Variants in STAB2 observed in about 807,000 individuals in gnomAD.
The protein encoded by STAB2 is stabilin 2.
In STAB2, 288 loss-of-function variants were observed where a neutral mutation model predicts 338.1. That is an observed-to-expected ratio of 0.85 (90% confidence interval 0.77 to 0.94). The LOEUF (loss-of-function observed/expected upper bound fraction) is 0.94, where lower values mean the gene tolerates loss of function less well. Ranked by LOEUF, STAB2 falls within the 40% of genes least tolerant of loss-of-function variation. STAB2 has a pLI of 0.00. For synonymous variants in STAB2, 1,202 were observed against 1,193.3 expected, an observed-to-expected ratio of 1.01 and a Z score of -0.15; for missense variants, 3,141 against 3,210.1, an observed-to-expected ratio of 0.98 and a Z score of 0.52.
intron 42 of STAB2, 67 bp downstream of exon 42, chr12:103,713,835 ACGTGTG>A: frequency 6.3e-7 from 1 of 1,591,708 alleles, no homozygotes; most frequent in Non-Finnish European, 8.6e-7. Context: ...AATGATTCCA[ACGTGTG>A]TGCCCTGATT....
At chr12:103,656,873 A>C (rs1020025209) in intron 15 of STAB2, among the ~76,000 whole-genome samples, 4 of 150,140 alleles carry the variant, frequency 2.7e-5, no homozygotes, top group African/African-American at 9.8e-5. Context: ...TTTTTAGTAG[A>C]GACGGGGTTT....
chr12:103,712,301 TTG>T, intron 40 of STAB2, 64 bp from the exon 41 acceptor site: 2 of 1,243,540 alleles, frequency 1.6e-6, no homozygotes, highest in Non-Finnish European at 2.4e-6. Flanking sequence ...TGAAGGGCAT[TTG>T]TGAGTCATGT....
chr12:103,710,077 C>T (rs973155236), intron 39 of STAB2, among the ~76,000 whole-genome samples: 5 of 152,122 alleles, frequency 3.3e-5, no homozygotes, highest in African/African-American at 1.2e-4. Context: ...CTCTTTGTTT[C>T]CTGTCCTATC....
chr12:103,703,718 G>A (rs113372768), intron 35 of STAB2, among the ~76,000 whole-genome samples: 2,819 of 152,312 alleles, frequency 0.019, 36 homozygotes, highest in Non-Finnish European at 0.03. Flanking sequence ...TGATTTCAGT[G>A]TATTATGGAA....
chr12:103,622,870 G>A (rs1017315853), intron 5 of STAB2, among the ~76,000 whole-genome samples: 3 of 152,176 alleles, frequency 2.0e-5, no homozygotes, highest in South Asian at 2.1e-4. Context: ...CCTGGTCTCA[G>A]CATAGATCCA....
intron 39 of STAB2, among the ~76,000 whole-genome samples, chr12:103,709,515 C>T (rs1021492063): frequency 5.9e-5 from 9 of 152,228 alleles, no homozygotes; most frequent in Non-Finnish European, 1.2e-4. Context: ...GAGACTCCCC[C>T]TCTTCCGGGT....
intron 3 of STAB2, among the ~76,000 whole-genome samples, chr12:103,594,763 C>T (rs377032202): frequency 6.6e-6 from 1 of 152,108 alleles, no homozygotes; most frequent in Admixed American, 6.6e-5. Context: ...AAAGGATACC[C>T]ATTTTTATTT....
chr12:103,631,354 G>A (rs568343992), intron 5 of STAB2, among the ~76,000 whole-genome samples: 1 of 151,810 alleles, frequency 6.6e-6, no homozygotes, highest in South Asian at 2.1e-4. Flanking sequence ...CAATGCACAT[G>A]ATATGCCTCA....
intron 10 of STAB2, 99 bp from the exon 11 acceptor site, chr12:103,650,397 T>G: frequency 3.3e-6 from 3 of 898,528 alleles, no homozygotes; most frequent in Non-Finnish European, 5.3e-6. Context: ...AGGGCATAAA[T>G]GGACCGGTCG....
chr12:103,757,834 T>C (rs544126152), intron 63 of STAB2: 1 of 301,068 alleles, frequency 3.3e-6, no homozygotes, highest in African/African-American at 2.1e-5. Flanking sequence ...TGAGCTGTTA[T>C]GAAGACTTGG....
chr12:103,591,177 CTAAAATATA>C (rs1283552625), intron 2 of STAB2, 147 bp downstream of exon 2: 5 of 1,079,632 alleles, frequency 4.6e-6, no homozygotes, highest in Non-Finnish European at 6.7e-6. Context: ...GAACTTAAGT[CTAAAATATA>C]TAAAATATAT....
At chr12:103,684,913 C>T in intron 26 of STAB2, 76 bp from the exon 27 acceptor site, 1 of 1,418,244 alleles carries the variant, frequency 7.1e-7, no homozygotes, top group East Asian at 2.3e-5. Context: ...TTAGATGGAG[C>T]CTGTCGTCTC....
At chr12:103,666,478 C>G in intron 19 of STAB2, 125 bp downstream of exon 19, 1 of 937,004 alleles carries the variant, frequency 1.1e-6, no homozygotes, top group Non-Finnish European at 1.7e-6. Context: ...AAGATGGGCT[C>G]GTAGCCTACT....
At chr12:103,660,802 A>T in intron 17 of STAB2, 39 bp downstream of exon 17, 1 of 1,590,746 alleles carries the variant, frequency 6.3e-7, no homozygotes, top group Non-Finnish European at 8.6e-7. Context: ...TCACTTGAAC[A>T]CATCTTTGCT....
chr12:103,722,528 C>A (rs1319420237), intron 44 of STAB2, among the ~76,000 whole-genome samples: 5 of 152,140 alleles, frequency 3.3e-5, no homozygotes. Flanking sequence ...AAGGATCTTC[C>A]TGGGCAAATA....
chr12:103,624,808 C>T (rs946973262), intron 5 of STAB2, among the ~76,000 whole-genome samples: 13 of 151,824 alleles, frequency 8.6e-5, no homozygotes, highest in East Asian at 1.9e-4. Flanking sequence ...TGTGGTGGTG[C>T]GCACCTGAAA....
At chr12:103,690,377 C>G in intron 29 of STAB2, 47 bp from the exon 30 acceptor site, 1 of 1,464,474 alleles carries the variant, frequency 6.8e-7, no homozygotes, top group African/African-American at 1.4e-5. Flanking sequence ...ATGATACAGC[C>G]CCATACATTT....
chr12:103,620,620 C>T, intron 4 of STAB2, 67 bp downstream of exon 4: 1 of 1,161,498 alleles, frequency 8.6e-7, no homozygotes, highest in Non-Finnish European at 1.2e-6. Context: ...GTTGATCCTC[C>T]TTAAACACAC....
In STAB2 at chr12:103,705,821, T is replaced by C. The variant is rs917745709; in HGVS notation, c.3996+94T>C. ...TTTCAAAATCCCTGTGCAGGTATGC[T>C]TTCTGCCATCTCCTCTTCCTTGTTA... On this transcript the variant is annotated intron_variant, in intron 37 of 68. Transcript: ENST00000388887. 2.0e-5 allele frequency: 24 copies of C among 1,174,888 alleles called. No individual in the cohort carries two copies. The African/African-American group carries it at 3.3e-4, about 16-fold the overall frequency. 72.8% of individuals were successfully genotyped at this position (1,174,888 alleles called of 1,614,324 possible).
Sources: gnomAD v4.1 joint callset for allele counts (sites outside exome capture counted in the v4.1 genomes callset) on GRCh38, gnomAD v4.1.1 for gene constraint, MANE v1.5 for transcripts, NCBI Gene and HGNC (gene_info 2026-07-23, HGNC 2026-07-21) for gene names.